The following AKAIN1 variants were observed in gnomAD, a reference collection of about 807,000 sequenced individuals.
The protein encoded by AKAIN1 is A-kinase anchor inhibitor 1.
In AKAIN1, 3 loss-of-function variants were observed where a neutral mutation model predicts 3.7. The ratio of observed to expected loss-of-function variants is 0.82; its 90% confidence interval spans 0.37 to 2.12. The LOEUF is 2.12. Among genes scored for constraint, AKAIN1 ranks in the 30% most tolerant of loss-of-function variants. The pLI, the probability that AKAIN1 is intolerant of heterozygous loss-of-function variation, is 0.06. For synonymous variants in AKAIN1, 31 were observed against 30.8 expected (o/e 1.01, Z -0.02); for missense variants, 82 against 82.7 (o/e 0.99, Z 0.03).
At chr18:5,181,520 T>C (rs1217636244) in intron 1 of AKAIN1, among the ~76,000 whole-genome samples, 1 of 152,152 alleles carries the variant, frequency 6.6e-6, no homozygotes, top group Non-Finnish European at 1.5e-5. Flanking sequence ...CTTATACAAA[T>C]GTTAGCTCCC....
At position 5,145,583 on chromosome 18, in the gene AKAIN1, G is replaced by A. The variant is rs1242771474; in HGVS notation, c.189C>T (p.Thr63=). Residue 63 remains threonine (T), a synonymous_variant, in exon 2 of 2, where the codon ACC becomes ACT. Coordinates refer to ENST00000434239, the MANE Select transcript of AKAIN1 (RefSeq NM_001145194.2). ...DHIQLGVGEL[T]KKHEKK ...CATGTTACTTCTTTTCGTGCTTCTT[G>A]GTTAACTCCCCAACGCCCAGTTGGA... 6.4e-7 allele frequency: 1 copy of A among 1,551,310 alleles called. No individual in the cohort carries two copies. Among genetic ancestry groups the A allele is most frequent in the African/African-American group, 1.4e-5 (1 of 73,016 alleles).
chr18:5,149,905 C>A (rs1179179226), intron 1 of AKAIN1, among the ~76,000 whole-genome samples: 2 of 152,126 alleles, frequency 1.3e-5, no homozygotes, highest in African/African-American at 2.4e-5. Flanking sequence ...GTCTCAAACT[C>A]CTGGGCTCAA....
intron 1 of AKAIN1, among the ~76,000 whole-genome samples, chr18:5,162,176 C>T (rs138721539): frequency 7.4e-4 from 112 of 152,196 alleles, no homozygotes; most frequent in Non-Finnish European, 1.3e-3. Context: ...CTCACCTGGC[C>T]TATTTACTAG....
intron 1 of AKAIN1, among the ~76,000 whole-genome samples, chr18:5,187,027 T>C (rs952176305): frequency 6.6e-5 from 10 of 152,144 alleles, no homozygotes; most frequent in Non-Finnish European, 1.3e-4. Flanking sequence ...ATTTTTAGAA[T>C]ACTCTAAAGC....
chr18:5,167,416 G>A lies in AKAIN1; in HGVS notation c.17-21661C>T, dbSNP rs75075252. 1.4e-3 allele frequency among the ~76,000 whole-genome samples: 214 copies of A among 152,154 alleles called. 1 individual carries two copies. The highest frequency in any genetic ancestry group is 4.6e-3 in the African/African-American group (193 of 41,522). On this transcript the variant is annotated intron_variant, in intron 1 of 1. Transcript: ENST00000434239. ...CCTAGACTTGTGAGCAACTGCCTGC[G>A]TCACATGGGCAAAAGGTAGACATGA...
rs2071116674 is a variant in AKAIN1, at chr18:5,157,789, G to C, written c.17-12034C>G. ...CATGATAATGGCTCACTGCAGCCTTGAACTCCCACCTCATCCTCCTGAGTA... is the reference window on the plus strand; with the variant it reads ...CATGATAATGGCTCACTGCAGCCTTCAACTCCCACCTCATCCTCCTGAGTA... On this transcript the variant is annotated intron_variant, in intron 1 of 1. Transcript: ENST00000434239. Among the ~76,000 whole-genome samples, 3 of 152,018 alleles carry C rather than the reference G, an allele frequency of 2.0e-5. No homozygotes were observed. In the South Asian group the frequency reaches 6.2e-4, roughly 32 times the overall value.
chr18:5,160,571 C>G (rs1001777313), intron 1 of AKAIN1, among the ~76,000 whole-genome samples: 1 of 152,206 alleles, frequency 6.6e-6, no homozygotes, highest in South Asian at 2.1e-4. Flanking sequence ...TTAATGTAAT[C>G]AAATCTGGGT....
At chr18:5,151,992 GA>G (rs1279157626) in intron 1 of AKAIN1, among the ~76,000 whole-genome samples, 11 of 152,170 alleles carry the variant, frequency 7.2e-5, no homozygotes, top group Non-Finnish European at 1.5e-4. Flanking sequence ...TTACAATCTA[GA>G]AGAGTCAGAT....
chr18:5,169,344 G>A (rs1182859307), intron 1 of AKAIN1, among the ~76,000 whole-genome samples: 1 of 151,996 alleles, frequency 6.6e-6, no homozygotes, highest in African/African-American at 2.4e-5. Flanking sequence ...CAATCAACTG[G>A]AGACCATAGC....
chr18:5,196,943 G>C (rs2071351274), intron 1 of AKAIN1, 95 bp downstream of exon 1: 1 of 1,118,872 alleles, frequency 8.9e-7, no homozygotes, highest in Non-Finnish European at 1.3e-6. Context: ...CGCGCAGATG[G>C]GCCGTAAGGT....
At position 5,143,082 on chromosome 18, in the gene AKAIN1, C is replaced by G. The variant is rs1449213540; in HGVS notation, c.*2480G>C. Among the ~76,000 whole-genome samples the G allele has an allele frequency of 6.6e-6, 1 of 152,164 alleles. No homozygotes were observed. Among genetic ancestry groups the G allele is most frequent in the East Asian group, 1.9e-4 (1 of 5,198 alleles). On this transcript the variant is annotated 3_prime_UTR_variant, in exon 2 of 2. Transcript: ENST00000434239. ...CAGTAAATCAGAAAGATAAAGGACA[C>G]TAAGTAAATGTTCCCACTCATTTCT...
chr18:5,157,561 G>A (rs1031994886), intron 1 of AKAIN1, among the ~76,000 whole-genome samples: 6 of 151,984 alleles, frequency 3.9e-5, no homozygotes, highest in East Asian at 1.9e-4. Context: ...GCCCTCACCC[G>A]TCCTCTCACT....
At chr18:5,179,790 C>A (rs1049846958) in intron 1 of AKAIN1, among the ~76,000 whole-genome samples, 2 of 152,122 alleles carry the variant, frequency 1.3e-5, no homozygotes, top group Non-Finnish European at 2.9e-5. Flanking sequence ...AGTTTCTTTT[C>A]AGCTCTTTAA....
At chr18:5,185,821 T>C (rs897011654) in intron 1 of AKAIN1, among the ~76,000 whole-genome samples, 9 of 152,114 alleles carry the variant, frequency 5.9e-5, no homozygotes, top group African/African-American at 1.9e-4. Flanking sequence ...AGCAATCGTA[T>C]TAATGGGTAT....
At chr18:5,148,479 G>A (rs2135307) in intron 1 of AKAIN1, among the ~76,000 whole-genome samples, 87 of 152,272 alleles carry the variant, frequency 5.7e-4, no homozygotes, top group East Asian at 4.1e-3. Flanking sequence ...TCTATTGAGG[G>A]AAACTTAATT....
At chr18:5,172,740 T>A (rs995713718) in intron 1 of AKAIN1, among the ~76,000 whole-genome samples, 37 of 151,968 alleles carry the variant, frequency 2.4e-4, no homozygotes, top group African/African-American at 8.7e-4. Context: ...GAAATTTTAC[T>A]GCTGAGGGAA....
intron 1 of AKAIN1, among the ~76,000 whole-genome samples, chr18:5,173,528 A>C (rs2071209371): frequency 6.6e-6 from 1 of 152,194 alleles, no homozygotes; most frequent in Non-Finnish European, 1.5e-5. Flanking sequence ...CAGTCAAGAC[A>C]ACTGGTGGGG....
At chr18:5,183,749 A>G (rs1889991141) in intron 1 of AKAIN1, among the ~76,000 whole-genome samples, 1 of 152,124 alleles carries the variant, frequency 6.6e-6, no homozygotes, top group African/African-American at 2.4e-5. Flanking sequence ...AAAAATCAGG[A>G]TTAGTTTCCC....
chr18:5,163,166 T>C (rs564244080), intron 1 of AKAIN1, among the ~76,000 whole-genome samples: 1 of 152,052 alleles, frequency 6.6e-6, no homozygotes, highest in African/African-American at 2.4e-5. Flanking sequence ...ATTTAATTAA[T>C]GGGCACAACG....
Sources: gnomAD v4.1 joint callset for allele counts (sites outside exome capture counted in the v4.1 genomes callset) on GRCh38, gnomAD v4.1.1 for gene constraint, MANE v1.5 for transcripts, NCBI Gene and HGNC (gene_info 2026-07-23, HGNC 2026-07-21) for gene names.